The following SPECC1 variants were observed in gnomAD, a reference collection of about 807,000 sequenced individuals.
The protein encoded by SPECC1 is cytospin-B.
In SPECC1, 62 loss-of-function variants were observed where a neutral mutation model predicts 104.1. The ratio of observed to expected loss-of-function variants is 0.60; its 90% CI spans 0.49 to 0.74. The LOEUF is 0.74. SPECC1 is among the 30% of genes least tolerant of loss of function. The pLI is 0.00. For missense variants in SPECC1, 1,306 were observed against 1,310.5 expected (o/e 1.00, Z 0.05); for synonymous variants, 513 against 501.6 (o/e 1.02, Z -0.30).
intron 3 of SPECC1, chr17:20,156,053 G>C (rs2032460438): frequency 1.5e-6 from 2 of 1,292,094 alleles, no homozygotes; most frequent in Non-Finnish European, 2.0e-6. Flanking sequence ...CAGCTGCTGG[G>C]AACTGGAAGG....
chr17:20,102,996 G>A (rs1383581259), intron 2 of SPECC1, among the ~76,000 whole-genome samples: 1 of 152,110 alleles, frequency 6.6e-6, no homozygotes, highest in Non-Finnish European at 1.5e-5. Flanking sequence ...TACTTTTTAG[G>A]TGAAGAAACC....
At chr17:20,083,187 C>G (rs1719282037) in intron 1 of SPECC1, among the ~76,000 whole-genome samples, 2 of 152,190 alleles carry the variant, frequency 1.3e-5, no homozygotes, top group Non-Finnish European at 2.9e-5. Flanking sequence ...GATCCAGATG[C>G]TAGGCAGCAG....
chr17:20,172,990 G>A (rs546916279), intron 3 of SPECC1, among the ~76,000 whole-genome samples: 1 of 152,354 alleles, frequency 6.6e-6, no homozygotes, highest in African/African-American at 2.4e-5. Flanking sequence ...GGATTTTCAT[G>A]TTGGTCAAAT....
intron 3 of SPECC1, among the ~76,000 whole-genome samples, chr17:20,166,430 A>G (rs143971012): frequency 3.9e-5 from 6 of 152,346 alleles, no homozygotes; most frequent in Non-Finnish European, 5.9e-5. Flanking sequence ...AAAACTGTAA[A>G]TAATGAAAGT....
chr17:20,055,861 C>T (rs954659976), intron 1 of SPECC1, among the ~76,000 whole-genome samples: 3 of 152,202 alleles, frequency 2.0e-5, no homozygotes, highest in African/African-American at 4.8e-5. Context: ...GTTCTCCAGG[C>T]TTGCAGGCTT....
chr17:20,120,306 A>G (rs1391592804), intron 3 of SPECC1, among the ~76,000 whole-genome samples: 1 of 152,060 alleles, frequency 6.6e-6, no homozygotes, highest in Non-Finnish European at 1.5e-5. Flanking sequence ...GAATCTCTTG[A>G]ACCTGGGAGG....
chr17:20,139,417 G>C (rs895247708), intron 3 of SPECC1, among the ~76,000 whole-genome samples: 1 of 152,024 alleles, frequency 6.6e-6, no homozygotes, highest in African/African-American at 2.4e-5. Context: ...CTGGGTGCTA[G>C]GGATGCAGCA....
At position 20,101,474 on chromosome 17, in the gene SPECC1, G is replaced by A. The variant is rs543558588; in HGVS notation, c.147+4676G>A. ...GCATAAATGTCTTCTTTTGAGAAGT[G>A]TCTAAATACCTGACTTTCAACATTG... On this transcript the variant is annotated intron_variant, in intron 2 of 14. Transcript: ENST00000395527. Among the ~76,000 whole-genome samples, 80 of 152,288 alleles carry A rather than the reference G, an allele frequency of 5.3e-4. 1 individual carries two copies. Among genetic ancestry groups the A allele is most frequent in the African/African-American group, 1.8e-3 (75 of 41,560 alleles).
At chr17:20,240,060 ATTTTTT>A (rs748689632) in intron 7 of SPECC1, among the ~76,000 whole-genome samples, 65 of 32,194 alleles carry the variant, frequency 2.0e-3, no homozygotes, top group African/African-American at 8.8e-3. Context: ...TGTCCAGCTA[ATTTTTT>A]TTTTTTTTTT....
At chr17:20,148,196 T>A (rs989317356) in intron 3 of SPECC1, among the ~76,000 whole-genome samples, 1 of 152,226 alleles carries the variant, frequency 6.6e-6, no homozygotes, top group Non-Finnish European at 1.5e-5. Flanking sequence ...ATTCAAGGAA[T>A]CTTCCTAGAA....
chr17:20,053,991 A>G (rs975759019), intron 1 of SPECC1, among the ~76,000 whole-genome samples: 1 of 152,116 alleles, frequency 6.6e-6, no homozygotes, highest in Non-Finnish European at 1.5e-5. Flanking sequence ...TTCCTCTCCA[A>G]GATACAACTG....
chr17:20,105,529 C>T (rs1433565203), intron 2 of SPECC1, among the ~76,000 whole-genome samples: 5 of 152,148 alleles, frequency 3.3e-5, no homozygotes, highest in Non-Finnish European at 5.9e-5. Context: ...GCATGTCCCA[C>T]TCCCTCCCCA....
chr17:20,140,995 C>A (rs572200581), intron 3 of SPECC1, among the ~76,000 whole-genome samples: 1 of 152,172 alleles, frequency 6.6e-6, no homozygotes, highest in Admixed American at 6.5e-5. Context: ...TGGTGAACAA[C>A]GACGGGGCCT....
chr17:20,119,929 A>G (rs542737823), intron 3 of SPECC1, among the ~76,000 whole-genome samples: 2 of 152,380 alleles, frequency 1.3e-5, no homozygotes, highest in African/African-American at 4.8e-5. Context: ...CTCAAAGGAA[A>G]TGCTCACTGG....
chr17:20,177,509 T>C (rs1355246992), intron 3 of SPECC1, among the ~76,000 whole-genome samples: 2 of 152,224 alleles, frequency 1.3e-5, no homozygotes, highest in Admixed American at 1.3e-4. Context: ...TTGAGCCATT[T>C]GTGTGTCTGT....
In SPECC1 at chr17:20,015,582, C is replaced by CT. The variant is rs1469162594; in HGVS notation, c.-22+6159dup. Among the ~76,000 whole-genome samples the CT allele has an allele frequency of 4.7e-3, 384 of 81,042 alleles. 17 individuals are homozygous for CT. Among genetic ancestry groups the CT allele is most frequent in the African/African-American group, 0.015 (370 of 23,882 alleles). 53.2% of individuals were successfully genotyped at this position (81,042 alleles called of 152,430 possible). A position where few individuals can be genotyped will look rare whatever the true frequency, so the allele number is the denominator to read the frequency against. ...ATCATATTTTTAACTTTCCGGGTCTCTATTTTTTTTTTTTTTTTTTGAGGT... is the reference window on the plus strand; with the variant it reads ...ATCATATTTTTAACTTTCCGGGTCTCTTATTTTTTTTTTTTTTTTTTGAGGT... On this transcript the variant is annotated intron_variant, in intron 1 of 14. Transcript: ENST00000395527.
At chr17:20,132,816 T>G (rs1306182116) in intron 3 of SPECC1, among the ~76,000 whole-genome samples, 1 of 152,158 alleles carries the variant, frequency 6.6e-6, no homozygotes, top group South Asian at 2.1e-4. Flanking sequence ...CTCGGCTCAC[T>G]GCAAGCTCCA....
intron 2 of SPECC1, among the ~76,000 whole-genome samples, chr17:20,101,605 G>T (rs1223786711): frequency 6.6e-6 from 1 of 152,180 alleles, no homozygotes; most frequent in Admixed American, 6.5e-5. Context: ...TGGTATCTGA[G>T]CACAGCCCAG....
At chr17:20,162,557 G>T (rs1486579461) in intron 3 of SPECC1, among the ~76,000 whole-genome samples, 1 of 152,174 alleles carries the variant, frequency 6.6e-6, no homozygotes, top group Admixed American at 6.5e-5. Context: ...ACATATGAAG[G>T]CTTAAAATAG....
Sources: gnomAD v4.1 joint callset for allele counts (sites outside exome capture counted in the v4.1 genomes callset) on GRCh38, gnomAD v4.1.1 for gene constraint, MANE v1.5 for transcripts, NCBI Gene and HGNC (gene_info 2026-07-23, HGNC 2026-07-21) for gene names.